Variants in NPTXR observed in about 807,000 individuals in gnomAD.
The protein encoded by NPTXR is neuronal pentraxin receptor.
In NPTXR, 12 loss-of-function variants were observed where a neutral mutation model predicts 32.2. The ratio of observed to expected loss-of-function variants is 0.37; its 90% CI spans 0.24 to 0.60. The LOEUF is 0.60. Among genes scored for constraint, NPTXR ranks in the 20% least tolerant of loss-of-function variants. The pLI, the probability that NPTXR is intolerant of heterozygous loss-of-function variation, is 0.66. For synonymous variants in NPTXR, 323 were observed against 315.8 expected (o/e 1.02, Z -0.24); for missense variants, 612 against 682.9 (o/e 0.90, Z 1.16).
intron 1 of NPTXR, among the ~76,000 whole-genome samples, chr22:38,838,480 C>G (rs1034560387): frequency 6.6e-6 from 1 of 151,796 alleles, no homozygotes; most frequent in Non-Finnish European, 1.5e-5. Flanking sequence ...GCAGGACAAG[C>G]CTTGAGGACT....
At chr22:38,830,298 G>C (rs933192323) in intron 1 of NPTXR, among the ~76,000 whole-genome samples, 1 of 152,202 alleles carries the variant, frequency 6.6e-6, no homozygotes, top group African/African-American at 2.4e-5. Context: ...TTAAATGATG[G>C]CGTGTAAGGG....
intron 1 of NPTXR, among the ~76,000 whole-genome samples, chr22:38,836,076 C>A (rs1258686151): frequency 6.6e-6 from 1 of 152,138 alleles, no homozygotes; most frequent in South Asian, 2.1e-4. Context: ...CAGAGCAATA[C>A]AAATTAAAAC....
chr22:38,836,918 G>A (rs113975274), intron 1 of NPTXR, among the ~76,000 whole-genome samples: 1,881 of 152,126 alleles, frequency 0.012, 23 homozygotes, highest in Admixed American at 0.02. Context: ...AGGTTCAAGC[G>A]ATTCTCCTGC....
At position 38,843,304 on chromosome 22, in the gene NPTXR, G is replaced by C; in HGVS notation, c.555C>G (p.Asp185Glu). 1 of 1,435,526 alleles carries C rather than the reference G, an allele frequency of 7.0e-7. No homozygotes were observed. Among genetic ancestry groups the C allele is most frequent in the South Asian group, 1.4e-5 (1 of 72,304 alleles). 88.9% of individuals were successfully genotyped at this position (1,435,526 alleles called of 1,614,324 possible). Residue 185 changes from aspartate to glutamate, a missense_variant, in exon 1 of 5, where the codon GAC becomes GAG. By Grantham distance (45) the Asp-to-Glu change is conservative (BLOSUM62 2). Coordinates refer to ENST00000333039, the MANE Select transcript of NPTXR (RefSeq NM_014293.4). This position sits in a 1 kb window ranked among gnomAD's most constrained non-coding sequence, Gnocchi z 5.3. ...CCAGCTCCAGAATGAGCGCAGGCGA[G>C]TCCCAGGGCCCGTCGGCCATGGTGT...
At chr22:38,839,949 T>G (rs2093129604) in intron 1 of NPTXR, among the ~76,000 whole-genome samples, 1 of 152,230 alleles carries the variant, frequency 6.6e-6, no homozygotes, top group South Asian at 2.1e-4. Context: ...GGATAAGGAC[T>G]GAAAGAGGGT....
At chr22:38,836,707 G>A (rs549421508) in intron 1 of NPTXR, among the ~76,000 whole-genome samples, 39 of 152,132 alleles carry the variant, frequency 2.6e-4, no homozygotes, top group African/African-American at 7.5e-4. Context: ...AATTTTCATC[G>A]AGCTGTCCAC....
intron 1 of NPTXR, among the ~76,000 whole-genome samples, chr22:38,831,082 G>A (rs1030498748): frequency 5.6e-4 from 85 of 152,232 alleles, no homozygotes; most frequent in Non-Finnish European, 3.1e-4. Flanking sequence ...TGACTCTGGT[G>A]CAGACTAACC....
chr22:38,838,249 G>T (rs573291157), intron 1 of NPTXR, among the ~76,000 whole-genome samples: 11 of 152,268 alleles, frequency 7.2e-5, no homozygotes, highest in African/African-American at 1.9e-4. Flanking sequence ...TGAAGCTGGT[G>T]GGGGGCGGGG....
Position 38,819,228 on chromosome 22 carries a change from C to T in NPTXR, c.*3381G>A, listed in dbSNP as rs11704200. The T allele has an allele frequency of 0.028, 4,341 of 152,448 alleles. 114 individuals carry two copies. The highest frequency in any genetic ancestry group is 0.047 in the Non-Finnish European group (3,189 of 68,088). The allele number at this position is 152,448 out of a possible 1,614,324, so 9.4% of individuals were successfully genotyped here. ...GAGAAGCAGCAATTTCCCTCCCCTT[C>T]CCTGCCCAGGACTCGGGAGATGCTC... On this transcript the variant is annotated 3_prime_UTR_variant, in exon 5 of 5. Coordinates refer to ENST00000333039, the MANE Select transcript of NPTXR (RefSeq NM_014293.4).
At position 38,819,724 on chromosome 22, in the gene NPTXR, C is replaced by T. The variant is rs2093093701; in HGVS notation, c.*2885G>A. ...GTGCAGTGCCAGATGGCAGGACAAA[C>T]ACGGGCTCCATCGTGGTTATCAGCC... is the stretch of plus-strand genomic sequence containing the variant. On this transcript the variant is annotated 3_prime_UTR_variant, in exon 5 of 5. Transcript: ENST00000333039. 1 of 152,402 alleles carries T rather than the reference C, an allele frequency of 6.6e-6. No homozygotes were observed. Among genetic ancestry groups the T allele is most frequent in the African/African-American group, 2.4e-5 (1 of 41,450 alleles). The allele number at this position is 152,402 out of a possible 1,614,324, so 9.4% of individuals were successfully genotyped here.
At chr22:38,839,558 T>C (rs1196050041) in intron 1 of NPTXR, among the ~76,000 whole-genome samples, 3 of 152,092 alleles carry the variant, frequency 2.0e-5, no homozygotes, top group East Asian at 3.9e-4. Context: ...GGCAGGAGAA[T>C]CGCTTGAACC....
At chr22:38,836,112 C>T (rs749417865) in intron 1 of NPTXR, among the ~76,000 whole-genome samples, 1 of 152,170 alleles carries the variant, frequency 6.6e-6, no homozygotes, top group Admixed American at 6.5e-5. Context: ...ACACGCCCAC[C>T]GAAACGGGAA....
rs1325115206 is a variant in NPTXR at position 38,822,297 on chromosome 22, G to C, written c.*312C>G. On this transcript the variant is annotated 3_prime_UTR_variant, in exon 5 of 5. Coordinates refer to ENST00000333039, the MANE Select transcript of NPTXR (RefSeq NM_014293.4). Reference sequence around the variant, plus strand: ...ACAATCCTACCCTACTGGGGGTGCTGTCAAAATTAGTGAAATCAGATACAG... The same window carrying C: ...ACAATCCTACCCTACTGGGGGTGCTCTCAAAATTAGTGAAATCAGATACAG... 2.6e-6 allele frequency: 1 copy of C among 388,214 alleles called. No homozygotes were observed. The allele number at this position is 388,214 out of a possible 1,614,324, so 24.0% of individuals were successfully genotyped here. A position where few individuals can be genotyped will look rare whatever the true frequency, so the allele number is the denominator to read the frequency against.
chr22:38,835,921 G>A (rs903831190), intron 1 of NPTXR, among the ~76,000 whole-genome samples: 30 of 152,130 alleles, frequency 2.0e-4, no homozygotes, highest in African/African-American at 6.3e-4. Context: ...GACTGTCCTG[G>A]GGAGACGCCC....
At position 38,843,893 on chromosome 22, in the gene NPTXR, G is replaced by C. The variant is rs2093135932; in HGVS notation, c.-35C>G. The C allele has an allele frequency of 1.0e-6, 1 of 979,300 alleles. No homozygotes were observed. The highest frequency in any genetic ancestry group is 1.2e-6 in the Non-Finnish European group (1 of 827,252). The allele number at this position is 979,300 out of a possible 1,614,324, so 60.7% of individuals were successfully genotyped here. On this transcript the variant is annotated 5_prime_UTR_variant, in exon 1 of 5. Transcript: ENST00000333039. The surrounding 1 kb of genome is among the most constrained non-coding windows in gnomAD (Gnocchi z 5.3). ...GGCGGCGGGGGCGCCCGAGGCCCCC[G>C]GCAGGCGCGGCGGCGGGGTCGGGGC...
chr22:38,843,759 G>C lies in NPTXR; in HGVS notation c.100C>G (p.Arg34Gly). 2 of 1,000,920 alleles carry C rather than the reference G, an allele frequency of 2.0e-6. No homozygotes were observed. The highest frequency in any genetic ancestry group is 1.2e-6 in the Non-Finnish European group (1 of 841,838). The allele number at this position is 1,000,920 out of a possible 1,614,324, so 62.0% of individuals were successfully genotyped here. A position where few individuals can be genotyped will look rare whatever the true frequency, so the allele number is the denominator to read the frequency against. ...TTGTCGGCGCCGCCGGGCAGCGCCC[G>C]CGCCGGGCTGGCCGCCAGGGGCACG... The change falls in exon 1 of 5, where the codon CGG becomes GGG. Residue 34 changes from arginine (R) to glycine (G), a missense_variant. Coordinates refer to ENST00000333039, the MANE Select transcript of NPTXR (RefSeq NM_014293.4). This position sits in a 1 kb window ranked among gnomAD's most constrained non-coding sequence, Gnocchi z 5.3.
At chr22:38,842,599 C>G (rs1178695047) in intron 1 of NPTXR, among the ~76,000 whole-genome samples, 1 of 152,202 alleles carries the variant, frequency 6.6e-6, no homozygotes. Flanking sequence ...ATTCAGCCCC[C>G]ACCCAAGAGC....
intron 3 of NPTXR, among the ~76,000 whole-genome samples, chr22:38,825,488 T>C (rs1268417827): frequency 6.6e-6 from 1 of 152,188 alleles, no homozygotes; most frequent in Non-Finnish European, 1.5e-5. Context: ...TCACAGTTAT[T>C]GATGTCTGCT....
intron 1 of NPTXR, among the ~76,000 whole-genome samples, chr22:38,835,544 C>G (rs533264478): frequency 6.6e-6 from 1 of 152,152 alleles, no homozygotes; most frequent in South Asian, 2.1e-4. Flanking sequence ...GGGTCCGAGA[C>G]CCCAGACCGT....
Sources: gnomAD v4.1 joint callset for allele counts (sites outside exome capture counted in the v4.1 genomes callset) on GRCh38, gnomAD v4.1.1 for gene constraint, Gnocchi (gnomAD v3.1) non-coding constraint, MANE v1.5 for transcripts, NCBI Gene and HGNC (gene_info 2026-07-23, HGNC 2026-07-21) for gene names.